Variants in PACS2 observed in about 807,000 individuals in gnomAD.
PACS2 encodes the protein phosphofurin acidic cluster sorting protein 2.
PACS2 carries 36 observed loss-of-function variants against 113.0 expected under a neutral mutation model. The ratio of observed to expected loss-of-function variants is 0.32; its 90% confidence interval spans 0.24 to 0.42. PACS2 has a LOEUF of 0.42. Ranked by LOEUF, PACS2 falls within the 10% of genes least tolerant of loss-of-function variation. The probability of loss-of-function intolerance (pLI) is 1.00; values close to 1 mark genes in which losing one functional copy is unlikely to be tolerated. For missense variants in PACS2, 1,015 were observed against 1,239.5 expected, an observed-to-expected ratio of 0.82 and a Z score of 2.72; for synonymous variants, 589 against 536.1, an observed-to-expected ratio of 1.10 and a Z score of -1.36.
In PACS2 at chr14:105,358,845, T is replaced by G. The variant is rs587742434; in HGVS notation, c.423+3668T>G. 1.4e-4 allele frequency among the ~76,000 whole-genome samples: 21 copies of G among 152,294 alleles called. No individual in the cohort carries two copies. The South Asian group carries it at 4.1e-3, about 30-fold the overall frequency. ...GCGCGGGAGCGTCACCCTGACCGTT[T>G]GCATGCTGGATTCCCTTTAGTTTCT... On this transcript the variant is annotated intron_variant, in intron 4 of 24. Coordinates refer to ENST00000447393, the MANE Select transcript of PACS2 (RefSeq NM_001100913.3). The surrounding 1 kb of genome is among the most constrained non-coding windows in gnomAD (Gnocchi z 4.9).
At chr14:105,320,378 T>C (rs2058841669) in intron 1 of PACS2, among the ~76,000 whole-genome samples, 1 of 151,764 alleles carries the variant, frequency 6.6e-6, no homozygotes, top group African/African-American at 2.4e-5. Context: ...TATTTATGTA[T>C]TTATTTTTTG....
At position 105,357,275 on chromosome 14, in the gene PACS2, A is replaced by G. The variant is rs1401454780; in HGVS notation, c.423+2098A>G. Among the ~76,000 whole-genome samples, 1 of 151,678 alleles carries G rather than the reference A, an allele frequency of 6.6e-6. No individual in the cohort carries two copies. Among genetic ancestry groups the G allele is most frequent in the African/African-American group, 2.4e-5 (1 of 41,266 alleles). ...GGCTGGAGCAACCTTCCCCCACCCCAGGTCACACCAGCCACATCGTCTGCT... is the reference window on the plus strand; with the variant it reads ...GGCTGGAGCAACCTTCCCCCACCCCGGGTCACACCAGCCACATCGTCTGCT... On this transcript the variant is annotated intron_variant, in intron 4 of 24. Transcript: ENST00000447393. This position sits in a 1 kb window ranked among gnomAD's most constrained non-coding sequence, Gnocchi z 5.1.
chr14:105,343,658 G>A (rs892193079), intron 1 of PACS2, among the ~76,000 whole-genome samples: 4 of 150,316 alleles, frequency 2.7e-5, no homozygotes, highest in African/African-American at 9.8e-5. Flanking sequence ...TGCTATCAAT[G>A]TATCTTTTCT....
At chr14:105,392,166 A>C (rs945139211) in intron 22 of PACS2, 12 of 324,434 alleles carry the variant, frequency 3.7e-5, no homozygotes, top group Non-Finnish European at 6.9e-5. Flanking sequence ...TCTCCGGAGC[A>C]GACCTCACTC....
Position 105,348,570 on chromosome 14 carries a change from T to C in PACS2, c.197T>C (p.Val66Ala), listed in dbSNP as rs144456854. ...GAGCTGATCTCCGTGGTGATCGCTGTCAAGATGCAGGTGAGGCCGCTTGTG... is the reference window on the plus strand; with the variant it reads ...GAGCTGATCTCCGTGGTGATCGCTGCCAAGATGCAGGTGAGGCCGCTTGTG... ...EKELISVVIA[V>A]KMQGSKRILR... Residue 66 changes from valine (V) to alanine (A), a missense_variant, in exon 2 of 25, where the codon GTC becomes GCC. Coordinates refer to ENST00000447393, the MANE Select transcript of PACS2 (RefSeq NM_001100913.3). The surrounding 1 kb of genome is among the most constrained non-coding windows in gnomAD (Gnocchi z 6.4). The C allele has an allele frequency of 1.6e-4, 250 of 1,610,750 alleles. No homozygotes were observed. Among genetic ancestry groups the C allele is most frequent in the Non-Finnish European group, 2.1e-4 (243 of 1,178,618 alleles).
intron 3 of PACS2, among the ~76,000 whole-genome samples, chr14:105,352,815 CA>C (rs2060251494): frequency 7.5e-6 from 1 of 132,828 alleles, no homozygotes. Flanking sequence ...CGGGCCCCCC[CA>C]TCACTGTCCC....
intron 4 of PACS2, 75 bp from the exon 5 acceptor site, chr14:105,367,138 C>A: frequency 7.2e-7 from 1 of 1,394,320 alleles, no homozygotes; most frequent in Non-Finnish European, 1.0e-6. Context: ...CCTTCAGAAA[C>A]CCCAGCCCAC....
intron 16 of PACS2, chr14:105,383,799 G>A (rs2141253931): frequency 2.3e-6 from 1 of 429,746 alleles, no homozygotes; most frequent in African/African-American, 2.0e-5. Flanking sequence ...GCCCTCTGAA[G>A]GGGCCTGAGC....
Position 105,365,916 on chromosome 14 carries a change from G to T in PACS2, c.424-1297G>T, listed in dbSNP as rs2060928329. On this transcript the variant is annotated intron_variant, in intron 4 of 24. Coordinates refer to ENST00000447393, the MANE Select transcript of PACS2 (RefSeq NM_001100913.3). This position sits in a 1 kb window ranked among gnomAD's most constrained non-coding sequence, Gnocchi z 5.1. ...TGTGGGCACGAGGGCGTCAGCAGTG[G>T]GTGCGAGTGTTGGCAGAAGCTGCCA... 6.6e-6 allele frequency among the ~76,000 whole-genome samples: 1 copy of T among 152,242 alleles called. No individual in the cohort carries two copies. Among genetic ancestry groups the T allele is most frequent in the African/African-American group, 2.4e-5 (1 of 41,466 alleles).
intron 1 of PACS2, among the ~76,000 whole-genome samples, chr14:105,334,640 G>A (rs1044326777): frequency 2.6e-5 from 4 of 152,152 alleles, no homozygotes; most frequent in African/African-American, 4.8e-5. Context: ...AGGGTCCAGT[G>A]TGTGGGTAGA....
chr14:105,304,709 G>A (rs151147723), intron 1 of PACS2, among the ~76,000 whole-genome samples: 98 of 152,348 alleles, frequency 6.4e-4, no homozygotes, highest in African/African-American at 2.3e-3. Flanking sequence ...TATTGGACCT[G>A]TAGTTCCACG....
rs587710882 is a variant in PACS2 at position 105,395,425 on chromosome 14, G to A, written c.*753G>A. 6.6e-6 allele frequency: 1 copy of A among 152,282 alleles called. No homozygotes were observed. The highest frequency in any genetic ancestry group is 1.5e-5 in the Non-Finnish European group (1 of 68,032). The allele number at this position is 152,282 out of a possible 1,614,324, so 9.4% of individuals were successfully genotyped here. A position where few individuals can be genotyped will look rare whatever the true frequency, so the allele number is the denominator to read the frequency against. On this transcript the variant is annotated 3_prime_UTR_variant, in exon 25 of 25. Transcript: ENST00000447393. ...CCTGCCCCAAACTTAGCAAGCACAGGGGCCTCCACAGCCCAGGTGGCCCCA... is the reference window on the plus strand; with the variant it reads ...CCTGCCCCAAACTTAGCAAGCACAGAGGCCTCCACAGCCCAGGTGGCCCCA...
chr14:105,312,185 C>T (rs953969630), upstream of PACS2, among the ~76,000 whole-genome samples: 6 of 152,254 alleles, frequency 3.9e-5, no homozygotes, highest in Admixed American at 3.9e-4. Context: ...CCTGAGCCTT[C>T]ACCCTAGGTG....
rs782613851 is a variant in PACS2, at chr14:105,352,474, CTT to C, written c.297+9_297+10del. ...CCTGACCTTCTCCTTGCAGGTGAGT[CTT>C]TCACCAGTGGTGACGACACCCTCAT... On this transcript the variant is annotated splice_region_variant and intron_variant, in intron 3 of 24. Coordinates refer to ENST00000447393, the MANE Select transcript of PACS2 (RefSeq NM_001100913.3). The C allele has an allele frequency of 1.3e-6, 2 of 1,563,540 alleles. No homozygotes were observed. Among genetic ancestry groups the C allele is most frequent in the South Asian group, 1.1e-5 (1 of 90,086 alleles).
intron 1 of PACS2, among the ~76,000 whole-genome samples, chr14:105,306,821 G>A (rs1464093638): frequency 1.3e-5 from 2 of 151,952 alleles, no homozygotes. Context: ...GGCCAGGCTC[G>A]TCTTGAATTC....
At chr14:105,384,193 A>C in intron 16 of PACS2, 160 bp from the exon 17 acceptor site, 1 of 590,930 alleles carries the variant, frequency 1.7e-6, no homozygotes, top group Non-Finnish European at 3.0e-6. Context: ...TCCACCAGGG[A>C]GGGGCAGTGG....
chr14:105,364,374 G>A (rs1427537581), intron 4 of PACS2, among the ~76,000 whole-genome samples: 3 of 135,732 alleles, frequency 2.2e-5, no homozygotes, highest in South Asian at 4.9e-4. Flanking sequence ...CACGGTGGGC[G>A]TCCCGGGTGC....
intron 8 of PACS2, among the ~76,000 whole-genome samples, chr14:105,375,325 A>G (rs587730177): frequency 4.7e-4 from 72 of 152,100 alleles, no homozygotes; most frequent in South Asian, 2.7e-3. Context: ...TAAAAATACA[A>G]AAAGTAGCCG....
chr14:105,345,694 G>A (rs587702841), intron 1 of PACS2, among the ~76,000 whole-genome samples: 2 of 152,320 alleles, frequency 1.3e-5, no homozygotes, highest in East Asian at 1.9e-4. Flanking sequence ...GTCAGAGAAC[G>A]TATTCTTTGT....
Sources: gnomAD v4.1 joint callset for allele counts (sites outside exome capture counted in the v4.1 genomes callset) on GRCh38, gnomAD v4.1.1 for gene constraint, Gnocchi (gnomAD v3.1) non-coding constraint, MANE v1.5 for transcripts, NCBI Gene and HGNC (gene_info 2026-07-23, HGNC 2026-07-21) for gene names.